Variants in SSBP4 observed in about 807,000 individuals in gnomAD.
The protein encoded by SSBP4 is single stranded DNA binding protein 4, also known as single-stranded DNA-binding protein 4.
Under a neutral mutation model 64.6 loss-of-function variants are expected in SSBP4, and 33 were observed. That is an observed-to-expected ratio of 0.51 (90% confidence interval 0.39 to 0.68). The LOEUF (loss-of-function observed/expected upper bound fraction) is 0.68, where lower values mean the gene tolerates loss of function less well. Among genes scored for constraint, SSBP4 ranks in the 30% least tolerant of loss-of-function variants. The pLI is 0.00. For synonymous variants in SSBP4, 243 were observed against 224.0 expected, an observed-to-expected ratio of 1.08 and a Z score of -0.76; for missense variants, 583 against 566.8, an observed-to-expected ratio of 1.03 and a Z score of -0.29.
intron 4 of SSBP4, 72 bp from the exon 5 acceptor site, chr19:18,430,767 AGG>A: frequency 1.0e-6 from 1 of 954,602 alleles, no homozygotes; most frequent in South Asian, 1.8e-5. Context: ...ACCTGCAGAG[AGG>A]GGGGGCACAC....
chr19:18,411,186 A>T, the SSBP4 span, among the ~76,000 whole-genome samples: 1 of 151,994 alleles, frequency 6.6e-6, no homozygotes, highest in Non-Finnish European at 1.5e-5. Flanking sequence ...ATATGCAAAA[A>T]TTAACAAACA....
At chr19:18,412,792 G>C in the SSBP4 span, among the ~76,000 whole-genome samples, 2 of 152,212 alleles carry the variant, frequency 1.3e-5, no homozygotes, top group Admixed American at 1.3e-4. Flanking sequence ...CTTAAGCCCG[G>C]GAGGTGGAGG....
At chr19:18,428,064 T>TGGGGGGGGGGGGGGGCG in intron 4 of SSBP4, 82 bp downstream of exon 4, 1 of 1,153,792 alleles carries the variant, frequency 8.7e-7, no homozygotes, top group Non-Finnish European at 1.2e-6. Flanking sequence ...GGTGGGGGGC[T>TGGGGGGGGGGGGGGGCG]GCACAGCCAG....
Position 18,434,342 on chromosome 19 carries a change from C to T in SSBP4, c.*96C>T, listed in dbSNP as rs1036708270. On this transcript the variant is annotated 3_prime_UTR_variant, in exon 18 of 18. Transcript: ENST00000270061. ...TGAGGTCACACCTCGGGCACCTGGA[C>T]TCCTGGCCAATCAAGGCTTGCCCAG... 5.2e-6 allele frequency: 8 copies of T among 1,533,662 alleles called. No homozygotes were observed. Among genetic ancestry groups the T allele is most frequent in the Non-Finnish European group, 7.0e-6 (8 of 1,143,468 alleles).
intron 1 of SSBP4, among the ~76,000 whole-genome samples, chr19:18,420,855 AAAAAAAACAAAAAAC>A (rs1362314364): frequency 6.6e-6 from 1 of 151,830 alleles, no homozygotes; most frequent in Non-Finnish European, 1.5e-5. Context: ...CATCTCAAAA[AAAAAAAACAAAAAAC>A]AAAAAAACAG....
At chr19:18,431,932 C>T (rs1973420794) in intron 8 of SSBP4, 68 bp from the exon 9 acceptor site, 4 of 1,562,294 alleles carry the variant, frequency 2.6e-6, no homozygotes, top group African/African-American at 1.4e-5. Flanking sequence ...CCAGACCTTG[C>T]TGCCTCCCCA....
chr19:18,430,763 A>C (rs1268678599), intron 4 of SSBP4, 78 bp from the exon 5 acceptor site: 15 of 1,181,126 alleles, frequency 1.3e-5, no homozygotes, highest in African/African-American at 3.9e-5. Flanking sequence ...GGCCACCTGC[A>C]GAGAGGGGGG....
rs905217111 is a variant in SSBP4, at chr19:18,433,330, C to A, written c.991+117C>A. 8.7e-6 allele frequency: 12 copies of A among 1,372,876 alleles called. No homozygotes were observed. In the East Asian group the frequency reaches 2.3e-4, roughly 26 times the overall value. 85.0% of individuals were successfully genotyped at this position (1,372,876 alleles called of 1,614,324 possible). A position where few individuals can be genotyped will look rare whatever the true frequency, so the allele number is the denominator to read the frequency against. ...GGAGGCGTCTAGTGGCGTCCTGAGC[C>A]CCCCGGGGGCCGCTCAGTGACAGGG... On this transcript the variant is annotated intron_variant, in intron 15 of 17. Transcript: ENST00000270061.
chr19:18,427,733 C>G lies in SSBP4; in HGVS notation c.133-19C>G, dbSNP rs373674263. 1 of 1,569,488 alleles carries G rather than the reference C, an allele frequency of 6.4e-7. No homozygotes were observed. Among genetic ancestry groups the G allele is most frequent in the African/African-American group, 1.3e-5 (1 of 74,166 alleles). On this transcript the variant is annotated intron_variant, in intron 2 of 17. Transcript: ENST00000270061. This position sits in a 1 kb window ranked among gnomAD's most constrained non-coding sequence, Gnocchi z 4.4. ...GGGTCAGGTAGGGCCACCCCCTCAC[C>G]ACCTTCCTTTCCCTGCAGATCCGAT...
chr19:18,427,561 C>A lies in SSBP4; in HGVS notation c.132+138C>A. On this transcript the variant is annotated intron_variant, in intron 2 of 17. Transcript: ENST00000270061. The surrounding 1 kb of genome is among the most constrained non-coding windows in gnomAD (Gnocchi z 4.4). Reference sequence around the variant, plus strand: ...AACTGAGGGCTCTGCAGGGTCCAGGCCCTGGGCTAGCATCCAGGCATCTGG... The same window carrying A: ...AACTGAGGGCTCTGCAGGGTCCAGGACCTGGGCTAGCATCCAGGCATCTGG... 7.9e-7 allele frequency: 1 copy of A among 1,264,248 alleles called. No individual in the cohort carries two copies. The highest frequency in any genetic ancestry group is 2.4e-5 in the Admixed American group (1 of 42,482). 78.3% of individuals were successfully genotyped at this position (1,264,248 alleles called of 1,614,324 possible).
chr19:18,422,892 C>T (rs574250906), intron 1 of SSBP4, among the ~76,000 whole-genome samples: 4 of 152,362 alleles, frequency 2.6e-5, no homozygotes, highest in South Asian at 2.1e-4. Context: ...AAAAATGAGG[C>T]GCTGCATATC....
rs1972908067 is a variant in SSBP4, at chr19:18,427,073, C to T, written c.60-278C>T. 6.6e-6 allele frequency among the ~76,000 whole-genome samples: 1 copy of T among 152,154 alleles called. No individual in the cohort carries two copies. Among genetic ancestry groups the T allele is most frequent in the African/African-American group, 2.4e-5 (1 of 41,424 alleles). ...ACACTCCTCTATGGAGGAGACCTCC[C>T]CAGCGCTGAGGCCTCTCTGGAGTCT... On this transcript the variant is annotated intron_variant, in intron 1 of 17. Coordinates refer to ENST00000270061, the MANE Select transcript of SSBP4 (RefSeq NM_032627.5). This position sits in a 1 kb window ranked among gnomAD's most constrained non-coding sequence, Gnocchi z 4.4.
chr19:18,404,536 G>A, the SSBP4 span, among the ~76,000 whole-genome samples: 1 of 150,374 alleles, frequency 6.7e-6, no homozygotes, highest in South Asian at 2.1e-4. Flanking sequence ...AGAGGTTGTA[G>A]TGAGCTGAGA....
At position 18,432,007 on chromosome 19, in the gene SSBP4, G is replaced by A. The variant is rs777042574; in HGVS notation, c.573G>A (p.Pro191=). 21 of 1,563,512 alleles carry A rather than the reference G, an allele frequency of 1.3e-5. No homozygotes were observed. Among genetic ancestry groups the A allele is most frequent in the African/African-American group, 6.8e-5 (5 of 73,954 alleles). The part of the protein sequence containing the change: ...MEPSPRAQGH[P]SMGGPMQRVT... ...CCTTCTGCCCCACCCCAGGGCATCC[G>A]AGCATGGGCGGCCCAATGCAGAGGG... The change falls in exon 9 of 18, where the codon CCG becomes CCA. Residue 191 remains proline (P), a synonymous_variant. Coordinates refer to ENST00000270061, the MANE Select transcript of SSBP4 (RefSeq NM_032627.5).
chr19:18,429,619 G>A (rs763026329), intron 4 of SSBP4, among the ~76,000 whole-genome samples: 71 of 151,428 alleles, frequency 4.7e-4, no homozygotes, highest in Non-Finnish European at 8.9e-4. Flanking sequence ...CGGAGGGGCC[G>A]CCTGGGAGGG....
intron 10 of SSBP4, 108 bp from the exon 11 acceptor site, chr19:18,432,451 T>A: frequency 6.8e-7 from 1 of 1,467,090 alleles, no homozygotes; most frequent in Non-Finnish European, 9.2e-7. Context: ...CATCTGCTGC[T>A]CTGTGGTCGG....
At position 18,419,584 on chromosome 19, in the gene SSBP4, C is replaced by A; in HGVS notation, c.-65C>A. 8.2e-7 allele frequency: 1 copy of A among 1,223,958 alleles called. No homozygotes were observed. Among genetic ancestry groups the A allele is most frequent in the South Asian group, 2.4e-5 (1 of 41,292 alleles). The allele number at this position is 1,223,958 out of a possible 1,614,324, so 75.8% of individuals were successfully genotyped here. ...CCGGGGCGCGGGGTAGCTATGGCGA[C>A]GGCAAGCGCGGCCCGCGGCGCCGCC... On this transcript the variant is annotated 5_prime_UTR_variant, in exon 1 of 18. Transcript: ENST00000270061.
chr19:18,409,052 G>C, the SSBP4 span, among the ~76,000 whole-genome samples: 2 of 152,072 alleles, frequency 1.3e-5, no homozygotes, highest in African/African-American at 2.4e-5. Context: ...GGCCTCAAAC[G>C]ATCCTCCCGT....
intron 1 of SSBP4, among the ~76,000 whole-genome samples, chr19:18,422,182 C>T (rs1972510267): frequency 6.6e-6 from 1 of 152,072 alleles, no homozygotes; most frequent in Non-Finnish European, 1.5e-5. Context: ...AAAAGAAAAA[C>T]AGTGAAAGAG....
Sources: gnomAD v4.1 joint callset for allele counts (sites outside exome capture counted in the v4.1 genomes callset) on GRCh38, gnomAD v4.1.1 for gene constraint, Gnocchi (gnomAD v3.1) non-coding constraint, MANE v1.5 for transcripts, NCBI Gene and HGNC (gene_info 2026-07-23, HGNC 2026-07-21) for gene names.